ARHGEF3: variants seen among roughly 807,000 people sequenced by gnomAD.
The protein encoded by ARHGEF3 is 59.8 kDA protein.
In ARHGEF3, 28 loss-of-function variants were observed where a neutral mutation model predicts 63.2. That is an observed-to-expected ratio of 0.44 (90% confidence interval 0.33 to 0.61). The LOEUF (loss-of-function observed/expected upper bound fraction) is 0.61, where lower values mean the gene tolerates loss of function less well. Ranked by LOEUF, ARHGEF3 falls within the 20% of genes least tolerant of loss-of-function variation. ARHGEF3 has a pLI of 0.03. For synonymous variants in ARHGEF3, 266 were observed against 254.2 expected, an observed-to-expected ratio of 1.05 and a Z score of -0.44; for missense variants, 533 against 659.3, an observed-to-expected ratio of 0.81 and a Z score of 2.10.
chr3:57,009,885 T>G (rs187431294), intron 2 of ARHGEF3, among the ~76,000 whole-genome samples: 1 of 152,342 alleles, frequency 6.6e-6, no homozygotes, highest in East Asian at 1.9e-4. Context: ...TAACATTTAG[T>G]AAGCTCTTAC....
At position 57,007,203 on chromosome 3, in the gene ARHGEF3, G is replaced by T. The variant is rs373661909; in HGVS notation, c.62+27885C>A. The stretch of plus-strand genomic sequence containing the variant: ...TCACATGAATTCTCAGTTTGTTCTG[G>T]AATCTTAGGAGTCGAAGGTGGGGGG... On this transcript the variant is annotated intron_variant, in intron 2 of 12. Transcript: ENST00000338458. 1.2e-5 allele frequency: 16 copies of T among 1,286,480 alleles called. No individual in the cohort carries two copies. The East Asian group carries it at 2.8e-4, about 22-fold the overall frequency. The allele number at this position is 1,286,480 out of a possible 1,614,324, so 79.7% of individuals were successfully genotyped here. A position where few individuals can be genotyped will look rare whatever the true frequency, so the allele number is the denominator to read the frequency against.
chr3:57,048,558 A>G (rs1345702668), intron 1 of ARHGEF3, among the ~76,000 whole-genome samples: 1 of 152,104 alleles, frequency 6.6e-6, no homozygotes, highest in Non-Finnish European at 1.5e-5. Flanking sequence ...AAATAGACAG[A>G]TGCTTCCGGA....
intron 1 of ARHGEF3, among the ~76,000 whole-genome samples, chr3:56,780,169 T>C (rs2036500471): frequency 6.6e-6 from 1 of 152,210 alleles, no homozygotes; most frequent in Non-Finnish European, 1.5e-5. Flanking sequence ...AGACAGATAA[T>C]GACGATGAGC....
intron 8 of ARHGEF3, among the ~76,000 whole-genome samples, chr3:56,734,475 A>G (rs901187047): frequency 3.3e-5 from 5 of 152,178 alleles, no homozygotes; most frequent in South Asian, 2.1e-4. Context: ...ATCGAGTACT[A>G]TGTTACTATG....
intron 3 of ARHGEF3, among the ~76,000 whole-genome samples, chr3:56,753,901 G>C (rs956167941): frequency 2.0e-5 from 3 of 152,282 alleles, no homozygotes; most frequent in African/African-American, 7.2e-5. Context: ...TGGTACCCTT[G>C]TTGTGAGAGG....
chr3:56,789,422 C>T (rs2036973857), intron 1 of ARHGEF3, among the ~76,000 whole-genome samples: 1 of 152,204 alleles, frequency 6.6e-6, no homozygotes, highest in Non-Finnish European at 1.5e-5. Flanking sequence ...GATTTATGTT[C>T]TGAGAACAGA....
intron 1 of ARHGEF3, among the ~76,000 whole-genome samples, chr3:56,792,307 A>T (rs961668580): frequency 6.6e-6 from 1 of 152,184 alleles, no homozygotes; most frequent in Non-Finnish European, 1.5e-5. Context: ...GTATATAATC[A>T]TGCTCAACTT....
chr3:56,778,696 G>A (rs1452939155), intron 1 of ARHGEF3, among the ~76,000 whole-genome samples: 2 of 151,962 alleles, frequency 1.3e-5, no homozygotes, highest in Non-Finnish European at 2.9e-5. Context: ...ACCATGCCTG[G>A]CTAAATTTTA....
chr3:56,946,248 C>T (rs1208485121), intron 3 of ARHGEF3, among the ~76,000 whole-genome samples: 1 of 152,184 alleles, frequency 6.6e-6, no homozygotes, highest in African/African-American at 2.4e-5. Flanking sequence ...AATACAGCTC[C>T]TCACCAGCAA....
At chr3:57,028,571 T>C (rs1392036062) in intron 2 of ARHGEF3, among the ~76,000 whole-genome samples, 219 of 110,960 alleles carry the variant, frequency 2.0e-3, no homozygotes, top group Non-Finnish European at 3.0e-3. Context: ...AGGGATAGCA[T>C]TGGGAGATAT....
At position 56,732,326 on chromosome 3, in the gene ARHGEF3, G is replaced by C; in HGVS notation, c.1140C>G (p.Pro380=). 2.5e-6 allele frequency: 4 copies of C among 1,614,172 alleles called. No individual in the cohort carries two copies. The highest frequency in any genetic ancestry group is 2.5e-6 in the Non-Finnish European group (3 of 1,180,038). Residue 380 remains proline (P), a synonymous_variant, in exon 9 of 10, where the codon CCC becomes CCG. Transcript: ENST00000296315. ...LCYQLYRQPI[P]VKDLLLEDLQ... is the part of the protein sequence containing the mutation. ...GGTCTTCCAGCAGGAGGTCTTTCAC[G>C]GGGATTGGCTGACGGTACAGCTGGT...
intron 2 of ARHGEF3, among the ~76,000 whole-genome samples, chr3:56,994,358 C>T (rs1326581240): frequency 6.6e-6 from 1 of 152,156 alleles, no homozygotes; most frequent in Non-Finnish European, 1.5e-5. Context: ...GTGCATCAGG[C>T]ACTGTGTTGG....
At chr3:56,989,758 G>C (rs1226287275) in intron 2 of ARHGEF3, among the ~76,000 whole-genome samples, 1 of 152,194 alleles carries the variant, frequency 6.6e-6, no homozygotes, top group Non-Finnish European at 1.5e-5. Flanking sequence ...TCATCAGTGA[G>C]TTCTAACTCT....
At chr3:56,860,305 G>A (rs1220063482) in intron 4 of ARHGEF3, among the ~76,000 whole-genome samples, 2 of 152,046 alleles carry the variant, frequency 1.3e-5, no homozygotes, top group African/African-American at 4.8e-5. Flanking sequence ...AGCTTCCTGA[G>A]TAGTGTGCTG....
intron 1 of ARHGEF3, among the ~76,000 whole-genome samples, chr3:57,039,961 C>T (rs1337675883): frequency 2.0e-5 from 3 of 152,172 alleles, no homozygotes; most frequent in Admixed American, 6.5e-5. Context: ...AGGTCAGAAA[C>T]ATCTTTTGGG....
At chr3:56,736,780 T>G (rs1054516304) in intron 8 of ARHGEF3, among the ~76,000 whole-genome samples, 5 of 152,074 alleles carry the variant, frequency 3.3e-5, no homozygotes, top group Admixed American at 1.3e-4. Context: ...TAAATGACAC[T>G]GGAAAAGCAA....
intron 1 of ARHGEF3, among the ~76,000 whole-genome samples, chr3:57,065,153 T>C (rs1338037402): frequency 6.6e-6 from 1 of 152,194 alleles, no homozygotes; most frequent in Admixed American, 6.5e-5. Context: ...TGGTCTTAAA[T>C]GTTGAAATTA....
chr3:56,984,531 G>A (rs536280670), intron 2 of ARHGEF3, among the ~76,000 whole-genome samples: 2 of 151,688 alleles, frequency 1.3e-5, no homozygotes, highest in African/African-American at 4.8e-5. Flanking sequence ...AATACTGGAC[G>A]AAAAACTAGA....
chr3:56,730,380 TATTTA>T (rs913405198), intron 9 of ARHGEF3, among the ~76,000 whole-genome samples: 4 of 147,560 alleles, frequency 2.7e-5, no homozygotes, highest in Non-Finnish European at 3.0e-5. Context: ...GAAGACATTT[TATTTA>T]ATCTTTTTTT....
Sources: allele counts gnomAD v4.1 joint callset (sites outside exome capture counted in the v4.1 genomes callset), GRCh38; gene constraint gnomAD v4.1.1; transcripts MANE v1.5; gene names NCBI Gene and HGNC (gene_info 2026-07-23, HGNC 2026-07-21).